Variants in SCARB2 observed in about 807,000 individuals in gnomAD.
SCARB2 encodes lysosome membrane protein 2.
A neutral mutation model predicts 58.6 loss-of-function variants in SCARB2; 29 were observed. The ratio of observed to expected loss-of-function variants is 0.49; its 90% CI spans 0.37 to 0.67. The LOEUF is 0.67. SCARB2 is among the 30% of genes least tolerant of loss of function. The pLI is 0.00. For missense variants in SCARB2, 488 were observed against 578.5 expected (o/e 0.84, Z 1.60); for synonymous variants, 195 against 210.1 (o/e 0.93, Z 0.62).
In SCARB2 at chr4:76,165,835, T is replaced by G. The variant is rs573484800; in HGVS notation, c.1239+415A>C. On this transcript the variant is annotated intron_variant, in intron 10 of 11. Transcript: ENST00000264896. ...AGATATAACTACAGTAAACGTGATA[T>G]GTGATTCAGAAAAGAATTTATCATA... 1.3e-5 allele frequency: 3 copies of G among 223,414 alleles called. No homozygotes were observed. The South Asian group carries it at 2.3e-4, about 17-fold the overall frequency. 13.8% of individuals were successfully genotyped at this position (223,414 alleles called of 1,614,324 possible). A position where few individuals can be genotyped will look rare whatever the true frequency, so the allele number is the denominator to read the frequency against.
chr4:76,233,271 T>G (rs1254150407), intron 1 of SCARB2, among the ~76,000 whole-genome samples: 2 of 147,176 alleles, frequency 1.4e-5, no homozygotes, highest in Non-Finnish European at 3.0e-5. Flanking sequence ...GTTAGTTCCA[T>G]GTGTCCCCAG....
upstream of SCARB2, among the ~76,000 whole-genome samples, chr4:76,218,579 G>T (rs1733255028): frequency 6.6e-6 from 1 of 152,200 alleles, no homozygotes; most frequent in Non-Finnish European, 1.5e-5. Flanking sequence ...TTTCCAGTTT[G>T]TTTTGGTTTG....
chr4:76,196,380 A>G (rs771654678), intron 1 of SCARB2, among the ~76,000 whole-genome samples: 1 of 152,218 alleles, frequency 6.6e-6, no homozygotes, highest in Non-Finnish European at 1.5e-5. Context: ...TAATTAATTA[A>G]TAATTGTAAA....
At chr4:76,220,558 T>TC (rs1733289778) in intron 1 of SCARB2, among the ~76,000 whole-genome samples, 1 of 152,196 alleles carries the variant, frequency 6.6e-6, no homozygotes, top group Non-Finnish European at 1.5e-5. Flanking sequence ...GTCCAGGAGT[T>TC]CAAGGCTGCA....
chr4:76,194,365 T>C (rs1732665786), intron 2 of SCARB2: 1 of 150,634 alleles, frequency 6.6e-6, no homozygotes, highest in African/African-American at 2.5e-5. Context: ...AAGCACTTTA[T>C]ACATGACTCA....
intron 1 of SCARB2, among the ~76,000 whole-genome samples, chr4:76,233,042 T>C (rs1010598047): frequency 5.3e-5 from 8 of 152,210 alleles, no homozygotes; most frequent in Admixed American, 2.0e-4. Context: ...CCTTTAACCC[T>C]AGGCAAAAAT....
chr4:76,182,986 A>AT (rs1445544790), intron 2 of SCARB2, among the ~76,000 whole-genome samples: 1 of 152,258 alleles, frequency 6.6e-6, no homozygotes, highest in Non-Finnish European at 1.5e-5. Context: ...TTGAACCATC[A>AT]TAAGTCAAGG....
intron 2 of SCARB2, among the ~76,000 whole-genome samples, chr4:76,186,566 C>T (rs566235522): frequency 1.4e-4 from 22 of 152,228 alleles, no homozygotes; most frequent in African/African-American, 4.8e-4. Context: ...AAGCAGGATA[C>T]TGAGAAGAAG....
chr4:76,179,626 A>G lies in SCARB2; in HGVS notation c.503T>C (p.Phe168Ser). The G allele has an allele frequency of 6.2e-7, 1 of 1,614,112 alleles. No homozygotes were observed. Among genetic ancestry groups the G allele is most frequent in the Non-Finnish European group, 8.5e-7 (1 of 1,179,944 alleles). ...AMLKAYQQKL[F>S]VTHTVDELLW... ...CAATTCGTCAACTGTGTGAGTCACA[A>G]AGAGCTTCTGCTGATAGGCTTTCAA... is the stretch of plus-strand genomic sequence containing the variant. The change falls in exon 4 of 12, where the codon TTT (phenylalanine) becomes TCT (serine). Residue 168 changes from phenylalanine (F) to serine (S), a missense_variant. Phe to Ser is a radical substitution (Grantham distance 155). Coordinates refer to ENST00000264896, the MANE Select transcript of SCARB2 (RefSeq NM_005506.4).
intron 1 of SCARB2, among the ~76,000 whole-genome samples, chr4:76,207,446 C>T (rs1732951560): frequency 6.6e-6 from 1 of 152,088 alleles, no homozygotes; most frequent in African/African-American, 2.4e-5. Context: ...GTGTTATATC[C>T]ATAGCTCTTA....
chr4:76,174,595 T>C, intron 6 of SCARB2: 4 of 398,090 alleles, frequency 1.0e-5, no homozygotes, highest in Non-Finnish European at 1.9e-5. Context: ...GAGACTCACA[T>C]AAAAAAGAAA....
intron 7 of SCARB2, among the ~76,000 whole-genome samples, chr4:76,170,461 A>C (rs1732104698): frequency 6.6e-6 from 1 of 152,210 alleles, no homozygotes; most frequent in Admixed American, 6.5e-5. Context: ...CACTAGTTTC[A>C]ACTACAATTC....
rs572696573 is a variant in SCARB2, at chr4:76,185,158, T to C, written c.276-4057A>G. ...CCTCACCTCTCATTCAGGGTATTCCTTGATTTTACACAGAGGTTAATTCAC... is the reference window on the plus strand; with the variant it reads ...CCTCACCTCTCATTCAGGGTATTCCCTGATTTTACACAGAGGTTAATTCAC... On this transcript the variant is annotated intron_variant, in intron 2 of 11. Coordinates refer to ENST00000264896, the MANE Select transcript of SCARB2 (RefSeq NM_005506.4). 2.0e-5 allele frequency among the ~76,000 whole-genome samples: 3 copies of C among 152,336 alleles called. No individual in the cohort carries two copies. In the East Asian group the frequency reaches 5.8e-4, roughly 29 times the overall value.
In SCARB2 at chr4:76,169,996, A is replaced by T. The variant is rs1249974107; in HGVS notation, c.995-11T>A. ...TAATGATGGGTGCACCTGCATTTGAAGGAAAACAGAAATGAATGATGCTGT... is the reference window on the plus strand; with the variant it reads ...TAATGATGGGTGCACCTGCATTTGATGGAAAACAGAAATGAATGATGCTGT... On this transcript the variant is annotated splice_polypyrimidine_tract_variant and intron_variant, in intron 7 of 11. Transcript: ENST00000264896. The T allele has an allele frequency of 6.3e-7, 1 of 1,597,306 alleles. No individual in the cohort carries two copies. Among genetic ancestry groups the T allele is most frequent in the Non-Finnish European group, 8.6e-7 (1 of 1,165,442 alleles).
At chr4:76,191,369 T>C (rs1162241735) in intron 2 of SCARB2, among the ~76,000 whole-genome samples, 1 of 152,168 alleles carries the variant, frequency 6.6e-6, no homozygotes, top group African/African-American at 2.4e-5. Flanking sequence ...CAAAATCTCA[T>C]GTTGAAATAT....
intron 1 of SCARB2, among the ~76,000 whole-genome samples, chr4:76,233,857 T>C (rs964046287): frequency 6.7e-6 from 1 of 148,416 alleles, no homozygotes; most frequent in African/African-American, 2.5e-5. Flanking sequence ...CAGAGATAGT[T>C]GGTTGGGGGG....
chr4:76,204,761 C>T (rs892243528), intron 1 of SCARB2, among the ~76,000 whole-genome samples: 3 of 152,142 alleles, frequency 2.0e-5, no homozygotes, highest in Admixed American at 1.3e-4. Context: ...GTGTAACTTG[C>T]ACAGCCAGTC....
At chr4:76,169,723 A>G (rs1732090471) in intron 8 of SCARB2, 144 bp downstream of exon 8, 1 of 749,672 alleles carries the variant, frequency 1.3e-6, no homozygotes. Context: ...CAATGCCTCC[A>G]TCAGCACTGA....
At position 76,213,586 on chromosome 4, in the gene SCARB2, G is replaced by A. The variant is rs1261321504; in HGVS notation, c.-43C>T. ...GGCCGGGCCGGGCCGCACCCGCCAG[G>A]GATCCAACTGCAAGGAGGGAGGAGC... On this transcript the variant is annotated 5_prime_UTR_variant, in exon 1 of 12. Transcript: ENST00000264896. 3 of 1,530,688 alleles carry A rather than the reference G, an allele frequency of 2.0e-6. 1 individual carries two copies. Among genetic ancestry groups the A allele is most frequent in the Middle Eastern group, 3.5e-4 (2 of 5,646 alleles). The allele number at this position is 1,530,688 out of a possible 1,614,324, so 94.8% of individuals were successfully genotyped here.
Sources: allele counts gnomAD v4.1 joint callset (sites outside exome capture counted in the v4.1 genomes callset), GRCh38; gene constraint gnomAD v4.1.1; transcripts MANE v1.5; gene names NCBI Gene and HGNC (gene_info 2026-07-23, HGNC 2026-07-21).